Variants in POU6F2 observed in about 807,000 individuals in gnomAD.
POU6F2 encodes POU domain, class 6, transcription factor 2.
Under a neutral mutation model 71.3 loss-of-function variants are expected in POU6F2, and 31 were observed. That is an observed-to-expected ratio of 0.43 (90% CI 0.33 to 0.59). POU6F2 has a LOEUF of 0.59. Ranked by LOEUF, POU6F2 falls within the 20% of genes least tolerant of loss-of-function variation. The pLI, the probability that POU6F2 is intolerant of heterozygous loss-of-function variation, is 0.04. For missense variants in POU6F2, 783 were observed against 856.8 expected (o/e 0.91, Z 1.07); for synonymous variants, 347 against 355.7 (o/e 0.98, Z 0.27).
intron 1 of POU6F2, among the ~76,000 whole-genome samples, chr7:39,053,181 T>C (rs892048884): frequency 6.6e-6 from 1 of 152,074 alleles, no homozygotes; most frequent in African/African-American, 2.4e-5. Flanking sequence ...TCAGAAATGG[T>C]CCCAAAATGA....
chr7:39,012,764 G>T (rs1303354344), intron 1 of POU6F2, among the ~76,000 whole-genome samples: 1 of 150,418 alleles, frequency 6.6e-6, no homozygotes, highest in Non-Finnish European at 1.5e-5. Context: ...TCAGCTGCAG[G>T]TCTGTTGGAA....
chr7:39,295,151 C>CTT (rs544086922), intron 4 of POU6F2, among the ~76,000 whole-genome samples: 93 of 141,592 alleles, frequency 6.6e-4, no homozygotes, highest in African/African-American at 2.0e-3. Flanking sequence ...TGCTTGCTTG[C>CTT]TTTTTTTTTT....
intron 4 of POU6F2, among the ~76,000 whole-genome samples, chr7:39,288,610 A>G (rs73130431): frequency 0.11 from 17,020 of 152,220 alleles, 1,183 homozygotes; most frequent in Non-Finnish European, 0.15. Flanking sequence ...CATCTGTCCT[A>G]CAGTGCCCAT....
chr7:39,010,297 T>C (rs1295122899), intron 1 of POU6F2, among the ~76,000 whole-genome samples: 1 of 150,006 alleles, frequency 6.7e-6, no homozygotes, highest in African/African-American at 2.4e-5. Context: ...CTAGATTTTC[T>C]AGTTTATTTG....
chr7:39,272,637 T>G (rs879926931), intron 4 of POU6F2, among the ~76,000 whole-genome samples: 3 of 152,242 alleles, frequency 2.0e-5, no homozygotes, highest in Non-Finnish European at 2.9e-5. Context: ...AACTGAAATT[T>G]CCAAGATAGA....
chr7:39,217,038 A>G (rs1794258296), intron 4 of POU6F2, among the ~76,000 whole-genome samples: 1 of 152,148 alleles, frequency 6.6e-6, no homozygotes, highest in African/African-American at 2.4e-5. Flanking sequence ...TCTTATATTA[A>G]TAGGTTTTAT....
chr7:39,277,952 G>A (rs2128758746), intron 4 of POU6F2, among the ~76,000 whole-genome samples: 1 of 152,216 alleles, frequency 6.6e-6, no homozygotes, highest in South Asian at 2.1e-4. Flanking sequence ...AGCTACTTGG[G>A]AGGCTGAGTC....
intron 4 of POU6F2, among the ~76,000 whole-genome samples, chr7:39,298,974 G>A (rs1039383368): frequency 6.6e-6 from 1 of 152,136 alleles, no homozygotes; most frequent in African/African-American, 2.4e-5. Flanking sequence ...CACGGACACA[G>A]GGAGGGGAAC....
chr7:39,361,005 C>T (rs571054847), intron 5 of POU6F2, among the ~76,000 whole-genome samples: 1 of 152,170 alleles, frequency 6.6e-6, no homozygotes, highest in Non-Finnish European at 1.5e-5. Context: ...AATGTCTAAC[C>T]ATCTAGGAAT....
At chr7:39,447,394 C>CA (rs1788550643) in intron 7 of POU6F2, among the ~76,000 whole-genome samples, 1 of 152,058 alleles carries the variant, frequency 6.6e-6, no homozygotes, top group Non-Finnish European at 1.5e-5. Flanking sequence ...CTCCGATGAT[C>CA]GTGGAGTTGA....
intron 9 of POU6F2, among the ~76,000 whole-genome samples, chr7:39,462,495 C>T (rs974917212): frequency 6.6e-6 from 1 of 152,154 alleles, no homozygotes; most frequent in Non-Finnish European, 1.5e-5. Context: ...ATCAGAGGCA[C>T]AGAGAAAAAA....
intron 1 of POU6F2, among the ~76,000 whole-genome samples, chr7:38,985,384 T>C (rs1224850524): frequency 6.6e-6 from 1 of 152,130 alleles, no homozygotes; most frequent in African/African-American, 2.4e-5. Context: ...TTCATCATTA[T>C]GGTCAGGGCG....
Position 39,207,244 on chromosome 7 carries a change from C to G in POU6F2, c.370-148C>G, listed in dbSNP as rs1794031647. ...ATGCAACTTTGAAAATTTTTTTCTACCAATCATTTTTTTTTAATGAGATAG... is the reference window on the plus strand; with the variant it reads ...ATGCAACTTTGAAAATTTTTTTCTAGCAATCATTTTTTTTTAATGAGATAG... On this transcript the variant is annotated intron_variant, in intron 3 of 9. Coordinates refer to ENST00000518318, the MANE Select transcript of POU6F2 (RefSeq NM_001370959.1). The G allele has an allele frequency of 2.1e-5, 14 of 667,730 alleles. No individual in the cohort carries two copies. The South Asian group carries it at 4.5e-4, about 21-fold the overall frequency. The allele number at this position is 667,730 out of a possible 1,614,324, so 41.4% of individuals were successfully genotyped here.
At chr7:39,349,445 C>T (rs1325209359) in intron 5 of POU6F2, among the ~76,000 whole-genome samples, 7 of 152,130 alleles carry the variant, frequency 4.6e-5, no homozygotes, top group African/African-American at 1.4e-4. Context: ...CCCACGGGAC[C>T]GACAGAACTG....
chr7:39,408,867 G>C (rs762974821), intron 6 of POU6F2, among the ~76,000 whole-genome samples: 1 of 152,232 alleles, frequency 6.6e-6, no homozygotes, highest in Non-Finnish European at 1.5e-5. Flanking sequence ...ATATAAACCC[G>C]GTTATCTTCC....
At chr7:39,283,859 G>A (rs7790372) in intron 4 of POU6F2, among the ~76,000 whole-genome samples, 45,517 of 151,844 alleles carry the variant, frequency 0.3, 7,472 homozygotes, top group East Asian at 0.46. Flanking sequence ...TAAAAATTTA[G>A]CACCTGTACT....
chr7:39,079,698 A>T (rs76431495), intron 1 of POU6F2, among the ~76,000 whole-genome samples: 2,836 of 152,300 alleles, frequency 0.019, 51 homozygotes, highest in Middle Eastern at 0.048. Flanking sequence ...GGATAGGATT[A>T]AAGAAAATTT....
chr7:39,028,350 T>C (rs1036236766), intron 1 of POU6F2, among the ~76,000 whole-genome samples: 2 of 152,178 alleles, frequency 1.3e-5, no homozygotes, highest in Non-Finnish European at 2.9e-5. Context: ...AACTATTTCA[T>C]GTTTGTTTCT....
At chr7:39,189,542 G>C (rs1793617152) in intron 2 of POU6F2, among the ~76,000 whole-genome samples, 1 of 152,006 alleles carries the variant, frequency 6.6e-6, no homozygotes, top group African/African-American at 2.4e-5. Context: ...GGGACTACAG[G>C]CACGTGCCAC....
Sources: allele counts gnomAD v4.1 joint callset (sites outside exome capture counted in the v4.1 genomes callset), GRCh38; gene constraint gnomAD v4.1.1; transcripts MANE v1.5; gene names NCBI Gene and HGNC (gene_info 2026-07-23, HGNC 2026-07-21).